SPIDR: variants seen among roughly 807,000 people sequenced by gnomAD.
The protein encoded by SPIDR is DNA repair-scaffolding protein.
Under a neutral mutation model 104.6 loss-of-function variants are expected in SPIDR, and 93 were observed. That is an observed-to-expected ratio of 0.89 (90% CI 0.75 to 1.06). The LOEUF (loss-of-function observed/expected upper bound fraction) is 1.06, where lower values mean the gene tolerates loss of function less well. SPIDR is among the 50% of genes least tolerant of loss of function. The pLI, the probability that SPIDR is intolerant of heterozygous loss-of-function variation, is 0.00. For synonymous variants in SPIDR, 431 were observed against 416.9 expected, an observed-to-expected ratio of 1.03 and a Z score of -0.41; for missense variants, 1,154 against 1,111.2, an observed-to-expected ratio of 1.04 and a Z score of -0.55.
chr8:47,550,735 C>T (rs2090314807), intron 8 of SPIDR, among the ~76,000 whole-genome samples: 1 of 152,216 alleles, frequency 6.6e-6, no homozygotes, highest in Non-Finnish European at 1.5e-5. Flanking sequence ...TTGACTTCCT[C>T]ATTTCCTAAT....
chr8:47,512,526 A>G (rs943549955), intron 8 of SPIDR, among the ~76,000 whole-genome samples: 8 of 152,194 alleles, frequency 5.3e-5, no homozygotes, highest in African/African-American at 1.9e-4. Context: ...AGGTTTTAGT[A>G]TAATATGATT....
intron 10 of SPIDR, among the ~76,000 whole-genome samples, chr8:47,646,687 T>C (rs1256807961): frequency 6.6e-6 from 1 of 152,108 alleles, no homozygotes; most frequent in Non-Finnish European, 1.5e-5. Flanking sequence ...TCCTTGAATA[T>C]ATAGAGAGAA....
chr8:47,275,740 A>G (rs1421926502), intron 1 of SPIDR, among the ~76,000 whole-genome samples: 2 of 152,264 alleles, frequency 1.3e-5, no homozygotes, highest in African/African-American at 4.8e-5. Flanking sequence ...TGGGTACCCC[A>G]TACGTAATTT....
intron 10 of SPIDR, chr8:47,654,272 A>T (rs900232297): frequency 1.1e-6 from 1 of 879,944 alleles, no homozygotes; most frequent in Non-Finnish European, 1.6e-6. Flanking sequence ...TGCCTAATCC[A>T]TGTAGGTGGC....
intron 5 of SPIDR, among the ~76,000 whole-genome samples, chr8:47,347,635 T>C (rs1490729836): frequency 3.3e-5 from 5 of 152,170 alleles, no homozygotes; most frequent in African/African-American, 9.7e-5. Flanking sequence ...TCTGGGTGCT[T>C]CTTTATTGGG....
chr8:47,654,018 C>G, intron 10 of SPIDR: 1 of 1,287,302 alleles, frequency 7.8e-7, no homozygotes, highest in Non-Finnish European at 1.0e-6. Context: ...TATCAGATTC[C>G]ATGAGGGGAA....
In SPIDR at chr8:47,400,273, C is replaced by T. The variant is rs143399679; in HGVS notation, c.776+3647C>T. Among the ~76,000 whole-genome samples, 15 of 152,292 alleles carry T rather than the reference C, an allele frequency of 9.8e-5. No individual in the cohort carries two copies. In the East Asian group the frequency reaches 1.7e-3, roughly 18 times the overall value. On this transcript the variant is annotated intron_variant, in intron 6 of 19. Transcript: ENST00000297423. ...AGTCCTCAACAGAAGGTGGAGGGGA[C>T]GTTCCTAGAAGTGGCTGAAGCTGCT...
rs1354618241 is a variant in SPIDR at position 47,360,288 on chromosome 8, CT to C, written c.526-36085del. 2.0e-5 allele frequency among the ~76,000 whole-genome samples: 3 copies of C among 149,716 alleles called. No individual in the cohort carries two copies. In the East Asian group the frequency reaches 5.9e-4, roughly 29 times the overall value. On this transcript the variant is annotated intron_variant, in intron 5 of 19. Transcript: ENST00000297423. ...AAAAAAAAAGAAATAGAGGGACTGCCTTTCCCTGGAGAGAGGCAACAAGAAT... is the reference window on the plus strand; with the variant it reads ...AAAAAAAAAGAAATAGAGGGACTGCCTTCCCTGGAGAGAGGCAACAAGAAT...
At chr8:47,287,871 G>GA (rs1470951165) in intron 3 of SPIDR, among the ~76,000 whole-genome samples, 2 of 152,172 alleles carry the variant, frequency 1.3e-5, no homozygotes, top group Non-Finnish European at 2.9e-5. Flanking sequence ...AAGATAACAG[G>GA]ATTAAGAGAG....
chr8:47,372,612 C>A lies in SPIDR; in HGVS notation c.526-23764C>A, dbSNP rs371215526. 1.7e-4 allele frequency among the ~76,000 whole-genome samples: 26 copies of A among 151,804 alleles called. 1 individual carries two copies. The highest frequency in any genetic ancestry group is 6.0e-4 in the African/African-American group (25 of 41,364). On this transcript the variant is annotated intron_variant, in intron 5 of 19. Coordinates refer to ENST00000297423, the MANE Select transcript of SPIDR (RefSeq NM_001080394.4). ...CTGCACTCCAGCCTGGGTGACAGAG[C>A]GAGACTCCGTCTCAAAAATAATGAT... is the stretch of plus-strand genomic sequence containing the variant.
intron 8 of SPIDR, among the ~76,000 whole-genome samples, chr8:47,470,891 C>T (rs1050042191): frequency 2.0e-5 from 3 of 152,012 alleles, no homozygotes; most frequent in East Asian, 3.9e-4. Flanking sequence ...CCCGCCACCA[C>T]GCCCAGCTAA....
intron 3 of SPIDR, among the ~76,000 whole-genome samples, chr8:47,284,907 A>G (rs2038522810): frequency 6.6e-6 from 1 of 152,252 alleles, no homozygotes. Flanking sequence ...GATATCAGGT[A>G]GGCCGCTGGT....
chr8:47,402,533 C>T (rs1015811864), intron 6 of SPIDR, among the ~76,000 whole-genome samples: 1 of 152,138 alleles, frequency 6.6e-6, no homozygotes, highest in South Asian at 2.1e-4. Context: ...CACCACCAGT[C>T]CCACAGAAAC....
intron 7 of SPIDR, among the ~76,000 whole-genome samples, chr8:47,420,971 A>G (rs2154334319): frequency 6.6e-6 from 1 of 152,378 alleles, no homozygotes; most frequent in Non-Finnish European, 1.5e-5. Context: ...GTTTCTGCAA[A>G]GATGTCAGCT....
chr8:47,578,530 A>G (rs188610781), intron 8 of SPIDR, among the ~76,000 whole-genome samples: 3 of 152,238 alleles, frequency 2.0e-5, no homozygotes, highest in Admixed American at 1.3e-4. Flanking sequence ...CCCAGAAATC[A>G]TATGTATGGA....
chr8:47,629,027 C>A (rs1273074940), intron 10 of SPIDR, among the ~76,000 whole-genome samples: 1 of 152,210 alleles, frequency 6.6e-6, no homozygotes, highest in African/African-American at 2.4e-5. Context: ...AATATAAGGA[C>A]TGAGATTCTC....
intron 6 of SPIDR, among the ~76,000 whole-genome samples, chr8:47,402,154 C>T (rs2061989678): frequency 6.6e-6 from 1 of 152,166 alleles, no homozygotes; most frequent in South Asian, 2.1e-4. Context: ...ACAGTGCAAT[C>T]AAATGGTACT....
At chr8:47,535,383 T>C (rs1466311082) in intron 8 of SPIDR, among the ~76,000 whole-genome samples, 2 of 151,906 alleles carry the variant, frequency 1.3e-5, no homozygotes, top group Non-Finnish European at 1.5e-5. Context: ...AATAAAGCTG[T>C]CCTTATTTGC....
intron 8 of SPIDR, chr8:47,511,160 G>A (rs749260021): frequency 7.7e-6 from 12 of 1,557,458 alleles, no homozygotes; most frequent in East Asian, 4.5e-5. Context: ...ATGGCTGGCC[G>A]GGCATCCACA....
Sources: allele counts gnomAD v4.1 joint callset (sites outside exome capture counted in the v4.1 genomes callset), GRCh38; gene constraint gnomAD v4.1.1; transcripts MANE v1.5; gene names NCBI Gene and HGNC (gene_info 2026-07-23, HGNC 2026-07-21).